Variants in DGKI observed in about 807,000 individuals in gnomAD.
DGKI encodes the protein DAG kinase iota.
In DGKI, 55 loss-of-function variants were observed where a neutral mutation model predicts 147.5. That is an observed-to-expected ratio of 0.37 (90% confidence interval 0.30 to 0.47). The LOEUF (loss-of-function observed/expected upper bound fraction) is 0.47, where lower values mean the gene tolerates loss of function less well. DGKI is among the 20% of genes least tolerant of loss of function. DGKI has a pLI of 1.00. For synonymous variants in DGKI, 469 were observed against 477.1 expected (o/e 0.98, Z 0.22); for missense variants, 1,007 against 1,323.8 (o/e 0.76, Z 3.71).
chr7:137,425,582 C>T (rs1047531579), intron 28 of DGKI, among the ~76,000 whole-genome samples: 2 of 152,148 alleles, frequency 1.3e-5, no homozygotes, highest in Non-Finnish European at 2.9e-5. Flanking sequence ...AAGAAGGCTT[C>T]AGACGATCAA....
chr7:137,395,524 T>C (rs2128893690), intron 32 of DGKI, 74 bp downstream of exon 32: 1 of 1,398,614 alleles, frequency 7.1e-7, no homozygotes, highest in East Asian at 2.3e-5. Flanking sequence ...GTCCGTGCTA[T>C]GGTCACAAGC....
chr7:137,701,602 T>TA (rs1037887312), intron 1 of DGKI, among the ~76,000 whole-genome samples: 1 of 151,960 alleles, frequency 6.6e-6, no homozygotes, highest in Non-Finnish European at 1.5e-5. Flanking sequence ...ACAATAGCAC[T>TA]AAAAAACATG....
intron 8 of DGKI, among the ~76,000 whole-genome samples, chr7:137,617,793 C>A (rs570749011): frequency 6.6e-6 from 1 of 151,838 alleles, no homozygotes; most frequent in African/African-American, 2.4e-5. Context: ...TGGAAGGGTG[C>A]AAGTGATTTC....
rs372637031 is a variant in DGKI at position 137,444,095 on chromosome 7, C to T, written c.2743G>A (p.Val915Ile). The change falls in exon 28 of 33, where the codon GTC becomes ATC. Residue 915 changes from valine to isoleucine, a missense_variant. Physicochemically the swap from Val to Ile is conservative, Grantham distance 29. Transcript: ENST00000614521. ...TTCTTACCATGATCTTCTGAAGAGA[C>T]TGGTGACCTAAAAGGAAATAATAAG... is the stretch of plus-strand genomic sequence containing the variant. ...LSHSRVLQSPVSSEDHAILQA... is the reference protein window; with the variant it reads ...LSHSRVLQSPISSEDHAILQA... 9 of 1,525,512 alleles carry T rather than the reference C, an allele frequency of 5.9e-6. No individual in the cohort carries two copies. The highest frequency in any genetic ancestry group is 4.2e-5 in the African/African-American group (3 of 72,164). The allele number at this position is 1,525,512 out of a possible 1,614,324, so 94.5% of individuals were successfully genotyped here. A position where few individuals can be genotyped will look rare whatever the true frequency, so the allele number is the denominator to read the frequency against.
chr7:137,690,718 TAGTC>T (rs1823573252), intron 1 of DGKI, among the ~76,000 whole-genome samples: 3 of 152,296 alleles, frequency 2.0e-5, no homozygotes, highest in Middle Eastern at 3.4e-3. Context: ...GAGGTTGAGA[TAGTC>T]AGCCCTGATC....
intron 1 of DGKI, among the ~76,000 whole-genome samples, chr7:137,824,566 TA>T (rs773903298): frequency 5.1e-4 from 77 of 151,830 alleles, no homozygotes; most frequent in Middle Eastern, 3.5e-3. Context: ...GGGTTTTATT[TA>T]AAGCCCTGTC....
chr7:137,693,349 T>C (rs1190661456), intron 1 of DGKI, among the ~76,000 whole-genome samples: 4 of 152,196 alleles, frequency 2.6e-5, no homozygotes, highest in African/African-American at 9.6e-5. Flanking sequence ...TTTCTATTAA[T>C]TTCACAACAA....
intron 14 of DGKI, among the ~76,000 whole-genome samples, chr7:137,583,896 A>T (rs776058121): frequency 1.3e-5 from 2 of 152,178 alleles, no homozygotes; most frequent in Non-Finnish European, 2.9e-5. Context: ...AGCAATCATG[A>T]TATCTACTAG....
chr7:137,803,967 C>T (rs1422023250), intron 1 of DGKI, among the ~76,000 whole-genome samples: 1 of 152,188 alleles, frequency 6.6e-6, no homozygotes, highest in African/African-American at 2.4e-5. Flanking sequence ...AACAAGCATG[C>T]CCACTTTGCA....
intron 5 of DGKI, among the ~76,000 whole-genome samples, chr7:137,649,767 A>G (rs1585327834): frequency 6.8e-6 from 1 of 147,418 alleles, no homozygotes. Flanking sequence ...AATTTTATAT[A>G]TATATGTATA....
intron 1 of DGKI, among the ~76,000 whole-genome samples, chr7:137,695,105 G>A (rs528200445): frequency 6.6e-6 from 1 of 152,246 alleles, no homozygotes; most frequent in African/African-American, 2.4e-5. Flanking sequence ...TTCTACGTTT[G>A]TTACCTTCAC....
intron 29 of DGKI, among the ~76,000 whole-genome samples, chr7:137,409,720 C>A (rs1812091600): frequency 1.3e-5 from 2 of 152,224 alleles, no homozygotes; most frequent in Admixed American, 1.3e-4. Context: ...TCAGGGTCAA[C>A]TGCCTTGATC....
At chr7:137,749,591 CAG>C (rs140899844) in intron 1 of DGKI, among the ~76,000 whole-genome samples, 27 of 152,224 alleles carry the variant, frequency 1.8e-4, no homozygotes, top group Non-Finnish European at 3.5e-4. Context: ...AGCTTGTAGA[CAG>C]AGGATTTAAG....
At chr7:137,439,038 A>G (rs1445008828) in intron 28 of DGKI, among the ~76,000 whole-genome samples, 1 of 152,232 alleles carries the variant, frequency 6.6e-6, no homozygotes, top group Non-Finnish European at 1.5e-5. Flanking sequence ...AGGAGAGGGA[A>G]GGGGACATAA....
chr7:137,647,782 G>A (rs952285101), intron 5 of DGKI, among the ~76,000 whole-genome samples: 3 of 152,238 alleles, frequency 2.0e-5, no homozygotes, highest in African/African-American at 7.2e-5. Flanking sequence ...TCCACTGCCT[G>A]CTTAGGAATA....
At chr7:137,406,520 C>T (rs1231503168) in intron 30 of DGKI, among the ~76,000 whole-genome samples, 6 of 152,066 alleles carry the variant, frequency 3.9e-5, no homozygotes, top group Admixed American at 2.0e-4. Flanking sequence ...CCCTTTCTAC[C>T]GTATTTCAGA....
At position 137,597,243 on chromosome 7, in the gene DGKI, G is replaced by A. The variant is rs917091058; in HGVS notation, c.1311+604C>T. Among the ~76,000 whole-genome samples the A allele has an allele frequency of 2.0e-5, 3 of 152,118 alleles. 1 individual carries two copies. Among genetic ancestry groups the A allele is most frequent in the Middle Eastern group, 6.3e-3 (2 of 316 alleles). On this transcript the variant is annotated intron_variant, in intron 12 of 32. Coordinates refer to ENST00000614521, the MANE Select transcript of DGKI (RefSeq NM_001321708.2). ...TCAAAGTAGCTAGAAAAGAGAACTTGAAATGTTCCCAACACATAGAAATGA... is the reference window on the plus strand; with the variant it reads ...TCAAAGTAGCTAGAAAAGAGAACTTAAAATGTTCCCAACACATAGAAATGA...
chr7:137,584,562 G>A (rs182065182), intron 14 of DGKI, among the ~76,000 whole-genome samples: 1 of 152,210 alleles, frequency 6.6e-6, no homozygotes, highest in Non-Finnish European at 1.5e-5. Flanking sequence ...GAGGGAAGGA[G>A]AGGGGCAAGG....
intron 20 of DGKI, among the ~76,000 whole-genome samples, chr7:137,526,306 G>A (rs187784646): frequency 1.5e-4 from 23 of 152,006 alleles, no homozygotes; most frequent in Admixed American, 7.2e-4. Flanking sequence ...TTCTAAACCC[G>A]GCTTCCATGG....
Sources: allele counts gnomAD v4.1 joint callset (sites outside exome capture counted in the v4.1 genomes callset), GRCh38; gene constraint gnomAD v4.1.1; transcripts MANE v1.5; gene names NCBI Gene and HGNC (gene_info 2026-07-23, HGNC 2026-07-21).